The following INTS4 variants were observed in gnomAD, a reference collection of about 807,000 sequenced individuals.
The protein encoded by INTS4 is MSTP093.
Under a neutral mutation model 119.5 loss-of-function variants are expected in INTS4, and 70 were observed. The observed-to-expected ratio is 0.59, with a 90% CI of 0.48 to 0.71. INTS4 has a LOEUF of 0.71. Among genes scored for constraint, INTS4 ranks in the 30% least tolerant of loss-of-function variants. The pLI, the probability that INTS4 is intolerant of heterozygous loss-of-function variation, is 0.00. For missense variants in INTS4, 867 were observed against 1,173.2 expected (o/e 0.74, Z 3.81); for synonymous variants, 316 against 419.6 (o/e 0.75, Z 3.02).
Position 77,918,820 on chromosome 11 carries a change from C to A in INTS4, c.1922+1G>T. 1 of 1,612,898 alleles carries A rather than the reference C, an allele frequency of 6.2e-7. No individual in the cohort carries two copies. Among genetic ancestry groups the A allele is most frequent in the Non-Finnish European group, 8.5e-7 (1 of 1,179,666 alleles). On this transcript the variant is annotated splice_donor_variant, in intron 15 of 22. Transcript: ENST00000534064. LOFTEE classifies it high-confidence loss of function. Reference sequence around the variant, plus strand: ...GTCAGATGAAGGGATGATTACCCTACCTGATGGTGAATTCCAGCAGCTCCT... The same window carrying A: ...GTCAGATGAAGGGATGATTACCCTAACTGATGGTGAATTCCAGCAGCTCCT...
chr11:77,893,944 A>G (rs1952395941), intron 19 of INTS4, among the ~76,000 whole-genome samples: 1 of 142,536 alleles, frequency 7.0e-6, no homozygotes, highest in African/African-American at 2.6e-5. Flanking sequence ...GTGAACGAAC[A>G]GTGTTGAAAA....
intron 4 of INTS4, among the ~76,000 whole-genome samples, chr11:77,962,980 A>C (rs11237336): frequency 0.39 from 58,890 of 151,882 alleles, 11,628 homozygotes; most frequent in African/African-American, 0.43. Flanking sequence ...ACGCCACTGC[A>C]CTCCAGCCTG....
At chr11:77,944,954 A>G (rs983420620) in intron 8 of INTS4, among the ~76,000 whole-genome samples, 5 of 152,222 alleles carry the variant, frequency 3.3e-5, no homozygotes, top group Non-Finnish European at 4.4e-5. Context: ...ATGGCTCACC[A>G]GAGTTACCTG....
chr11:77,896,959 G>A (rs1952552570), intron 18 of INTS4, among the ~76,000 whole-genome samples: 1 of 150,596 alleles, frequency 6.6e-6, no homozygotes, highest in African/African-American at 2.5e-5. Context: ...TGAAAAATAA[G>A]CTGTAGGGAA....
At chr11:77,993,112 C>G (rs1194015235) in intron 1 of INTS4, among the ~76,000 whole-genome samples, 1 of 152,192 alleles carries the variant, frequency 6.6e-6, no homozygotes, top group Non-Finnish European at 1.5e-5. Flanking sequence ...AACTGTCATT[C>G]AACCACCAAT....
intron 3 of INTS4, among the ~76,000 whole-genome samples, chr11:77,981,240 T>C (rs994313100): frequency 2.1e-5 from 3 of 143,970 alleles, no homozygotes; most frequent in Admixed American, 1.4e-4. Context: ...ATATGTAAAC[T>C]ACCTCAAATA....
rs147404221 is a variant in INTS4 at position 77,907,826 on chromosome 11, C to G, written c.1923-16G>C. The G allele has an allele frequency of 1.3e-6, 2 of 1,541,064 alleles. No homozygotes were observed. The highest frequency in any genetic ancestry group is 4.5e-5 in the East Asian group (2 of 44,316). ...TTGCAGATCCCTATAGTAAATAAAA[C>G]CCCCAAGGCAAACACAGGATAAGGA... is the stretch of plus-strand genomic sequence containing the variant. On this transcript the variant is annotated splice_polypyrimidine_tract_variant and intron_variant, in intron 15 of 22. Coordinates refer to ENST00000534064, the MANE Select transcript of INTS4 (RefSeq NM_033547.4).
At chr11:77,927,136 T>C (rs779482416) in intron 11 of INTS4, among the ~76,000 whole-genome samples, 4 of 151,980 alleles carry the variant, frequency 2.6e-5, no homozygotes, top group Non-Finnish European at 5.9e-5. Context: ...GGAAAAGCAA[T>C]ATGTGTAGGA....
chr11:77,924,727 T>A, intron 12 of INTS4, 23 bp downstream of exon 12: 1 of 1,597,216 alleles, frequency 6.3e-7, no homozygotes, highest in Non-Finnish European at 8.6e-7. Flanking sequence ...ACTCAGTGAG[T>A]AAATGGGCAA....
chr11:77,909,556 C>A (rs1164135859), intron 15 of INTS4, among the ~76,000 whole-genome samples: 1 of 152,186 alleles, frequency 6.6e-6, no homozygotes, highest in Non-Finnish European at 1.5e-5. Context: ...AAAGACCTCA[C>A]TTCCTCATAA....
At position 77,945,295 on chromosome 11, in the gene INTS4, G is replaced by C. The variant is rs560832605; in HGVS notation, c.919-4044C>G. Among the ~76,000 whole-genome samples the C allele has an allele frequency of 2.9e-4, 44 of 152,310 alleles. No individual in the cohort carries two copies. The South Asian group carries it at 8.3e-3, about 29-fold the overall frequency. On this transcript the variant is annotated intron_variant, in intron 8 of 22. Coordinates refer to ENST00000534064, the MANE Select transcript of INTS4 (RefSeq NM_033547.4). ...CCTCAGTGGCCACAAATCCAGTCTG[G>C]AGAGTAGCCAAGAGATCATTCAGCT...
chr11:77,901,254 A>G (rs1952768800), intron 18 of INTS4, 167 bp downstream of exon 18: 1 of 773,386 alleles, frequency 1.3e-6, no homozygotes, highest in African/African-American at 1.7e-5. Flanking sequence ...ATCTGATCCA[A>G]CAACAGAATT....
At chr11:77,931,965 A>G (rs1953661065) in intron 10 of INTS4, among the ~76,000 whole-genome samples, 1 of 152,188 alleles carries the variant, frequency 6.6e-6, no homozygotes, top group Non-Finnish European at 1.5e-5. Flanking sequence ...ACTTAAACAT[A>G]AGACCTAAAA....
intron 4 of INTS4, among the ~76,000 whole-genome samples, chr11:77,968,451 T>C (rs1286724500): frequency 2.6e-5 from 4 of 152,134 alleles, no homozygotes; most frequent in African/African-American, 4.8e-5. Flanking sequence ...GTCAAATTTA[T>C]AAAAACAGAA....
chr11:77,884,351 C>G (rs1054224783), intron 21 of INTS4, among the ~76,000 whole-genome samples: 4 of 152,326 alleles, frequency 2.6e-5, no homozygotes, highest in Admixed American at 2.6e-4. Flanking sequence ...TAATTGCATT[C>G]TTTCCACTAC....
chr11:77,907,510 G>T (rs912756697), intron 16 of INTS4, among the ~76,000 whole-genome samples: 1 of 152,096 alleles, frequency 6.6e-6, no homozygotes, highest in Non-Finnish European at 1.5e-5. Flanking sequence ...TATGATAAAA[G>T]AATTCTCCCC....
At chr11:77,889,326 C>T (rs540596125) in intron 21 of INTS4, among the ~76,000 whole-genome samples, 1 of 146,004 alleles carries the variant, frequency 6.8e-6, no homozygotes, top group African/African-American at 2.5e-5. Context: ...TGTTCTCACT[C>T]ATAGGTGGGA....
rs1951685322 is a variant in INTS4, at chr11:77,878,945, T to A, written c.*4A>T. The A allele has an allele frequency of 6.2e-7, 1 of 1,613,144 alleles. No individual in the cohort carries two copies. Among genetic ancestry groups the A allele is most frequent in the Non-Finnish European group, 8.5e-7 (1 of 1,179,310 alleles). ...AGGCCACGGTTGGGAAGACTGTTTT[T>A]GCCTTAGCGCCGTGCAGGTTTGGGC... On this transcript the variant is annotated 3_prime_UTR_variant, in exon 23 of 23. Coordinates refer to ENST00000534064, the MANE Select transcript of INTS4 (RefSeq NM_033547.4).
intron 3 of INTS4, among the ~76,000 whole-genome samples, chr11:77,980,406 G>T (rs867998706): frequency 1.3e-5 from 2 of 152,122 alleles, no homozygotes; most frequent in South Asian, 2.1e-4. Flanking sequence ...TTGAGACAGC[G>T]TCTCGCTCTG....
Sources: allele counts gnomAD v4.1 joint callset (sites outside exome capture counted in the v4.1 genomes callset), GRCh38; gene constraint gnomAD v4.1.1; transcripts MANE v1.5; gene names NCBI Gene and HGNC (gene_info 2026-07-23, HGNC 2026-07-21).